INSRR: variants seen among roughly 807,000 people sequenced by gnomAD.
The protein encoded by INSRR is insulin receptor-related protein.
INSRR carries 114 observed loss-of-function variants against 130.0 expected under a neutral mutation model. The observed-to-expected ratio is 0.88, with a 90% CI of 0.75 to 1.02. The LOEUF (loss-of-function observed/expected upper bound fraction) is 1.02, where lower values mean the gene tolerates loss of function less well. Ranked by LOEUF, INSRR falls within the 50% of genes least tolerant of loss-of-function variation. INSRR has a pLI of 0.00. For synonymous variants in INSRR, 674 were observed against 705.2 expected (o/e 0.96, Z 0.70); for missense variants, 1,657 against 1,735.2 (o/e 0.95, Z 0.80).
Position 156,846,909 on chromosome 1 carries a change from G to T in INSRR, c.1572-152C>A, listed in dbSNP as rs529632527. 4 of 648,108 alleles carry T rather than the reference G, an allele frequency of 6.2e-6. No homozygotes were observed. In the East Asian group the frequency reaches 8.2e-5, roughly 13 times the overall value. 40.1% of individuals were successfully genotyped at this position (648,108 alleles called of 1,614,324 possible). On this transcript the variant is annotated intron_variant, in intron 7 of 21. Transcript: ENST00000368195. ...AGCCACCTGTTAGACCTTGGCAAGG[G>T]GGGGCGGAGGAGGGGAGGGACTGTG...
intron 7 of INSRR, among the ~76,000 whole-genome samples, chr1:156,847,843 G>A (rs1285297463): frequency 6.6e-6 from 1 of 152,154 alleles, no homozygotes; most frequent in African/African-American, 2.4e-5. Flanking sequence ...GAAGCTTGTT[G>A]AAGGGTTCCC....
chr1:156,853,837 C>T lies in INSRR; in HGVS notation c.552G>A (p.Leu184=). The change falls in exon 2 of 22, where the codon CTG becomes CTA. Residue 184 remains leucine (L), a synonymous_variant. Coordinates refer to ENST00000368195, the MANE Select transcript of INSRR (RefSeq NM_014215.3). ...TGGCACAGGGCTCACCAGCAGCACC[C>T]AGCACACCAGGGCACACGTCAGCAC... ...EECADVCPGV[L]GAAGEPCAKT... 7.4e-6 allele frequency: 12 copies of T among 1,613,966 alleles called. No individual in the cohort carries two copies. Among genetic ancestry groups the T allele is most frequent in the Non-Finnish European group, 1.0e-5 (12 of 1,179,980 alleles).
At position 156,854,095 on chromosome 1, in the gene INSRR, G is replaced by A; in HGVS notation, c.294C>T (p.Phe98=). ...TCCCGCGGATGACTGCTAGGTTGGG[G>A]AAGAGGTCGCGCAGGCTCTCCAGTC... ...VYGLESLRDL[F]PNLAVIRGTR... The change falls in exon 2 of 22, where the codon TTC becomes TTT. Residue 98 remains phenylalanine, a synonymous_variant. Coordinates refer to ENST00000368195, the MANE Select transcript of INSRR (RefSeq NM_014215.3). The surrounding 1 kb of genome is among the most constrained non-coding windows in gnomAD (Gnocchi z 4.2). 1.2e-6 allele frequency: 2 copies of A among 1,614,148 alleles called. No individual in the cohort carries two copies. The highest frequency in any genetic ancestry group is 1.1e-5 in the South Asian group (1 of 91,090).
intron 8 of INSRR, 66 bp downstream of exon 8, chr1:156,846,453 G>T: frequency 1.5e-6 from 2 of 1,303,572 alleles, no homozygotes; most frequent in Non-Finnish European, 2.2e-6. Context: ...TATTTCTGGT[G>T]CCTGTGCTCC....
In INSRR at chr1:156,849,250, G is replaced by A; in HGVS notation, c.1440C>T (p.Ala480=). Residue 480 remains alanine, a synonymous_variant, in exon 6 of 22, where the codon GCC becomes GCT. Transcript: ENST00000368195. ...EINPRTNGDR[A]ACQTRTLRFV... ...GCACTGGGGTTGGGGTCTCACAGGC[G>A]GCGCGGTCTCCGTTGGTGCGGGGGT... The A allele has an allele frequency of 1.2e-6, 2 of 1,613,670 alleles. No individual in the cohort carries two copies. The highest frequency in any genetic ancestry group is 1.7e-6 in the Non-Finnish European group (2 of 1,179,990).
In INSRR at chr1:156,842,205, C is replaced by T. The variant is rs771088422; in HGVS notation, c.3304G>A (p.Gly1102Ser). Reference protein sequence around the residue: ...MIQMAGEIADGMAYLAANKFV... With the variant: ...MIQMAGEIADSMAYLAANKFV... Reference sequence around the variant, plus strand: ...TTGTTGGCAGCAAGGTAGGCCATGCCGTCTGCAATCTCACCAGCCATTTGG... The same window carrying T: ...TTGTTGGCAGCAAGGTAGGCCATGCTGTCTGCAATCTCACCAGCCATTTGG... The change falls in exon 19 of 22, where the codon GGC becomes AGC. Residue 1102 changes from glycine (G) to serine (S), a missense_variant. By Grantham distance (56) the Gly-to-Ser change is moderately conservative. Transcript: ENST00000368195. 49 of 1,613,946 alleles carry T rather than the reference C, an allele frequency of 3.0e-5. No homozygotes were observed. The highest frequency in any genetic ancestry group is 4.4e-5 in the South Asian group (4 of 91,064).
At position 156,853,778 on chromosome 1, in the gene INSRR, C is replaced by T. The variant is rs369081661; in HGVS notation, c.611G>A (p.Cys204Tyr). Residue 204 changes from cysteine (C) to tyrosine (Y), a missense_variant, in exon 2 of 22, where the codon TGC becomes TAC. By Grantham distance (194) the Cys-to-Tyr change is radical. Transcript: ENST00000368195. ...TCTCTGGCAGTGGCTGGAGGTCCAG[C>T]ATCTGTAGTCAGTGTGCCCGCTGAA... is the stretch of plus-strand genomic sequence containing the variant. ...TTFSGHTDYR[C>Y]WTSSHCQRVC... The T allele has an allele frequency of 1.2e-6, 2 of 1,605,806 alleles. No homozygotes were observed. Among genetic ancestry groups the T allele is most frequent in the African/African-American group, 1.3e-5 (1 of 74,772 alleles).
chr1:156,847,524 C>G (rs773088126), intron 7 of INSRR, among the ~76,000 whole-genome samples: 2 of 152,106 alleles, frequency 1.3e-5, no homozygotes, highest in Non-Finnish European at 2.9e-5. Flanking sequence ...TTTCTTTGGA[C>G]TGGGAAGGGG....
At position 156,840,320 on chromosome 1, in the gene INSRR, G is replaced by C. The variant is rs867985778; in HGVS notation, c.*553C>G. ...CAAAAGGAGAGGAGGAGGTGAGGGC[G>C]GGCAGGCTGGGAACCACTCCCCAGG... On this transcript the variant is annotated 3_prime_UTR_variant, in exon 22 of 22. Coordinates refer to ENST00000368195, the MANE Select transcript of INSRR (RefSeq NM_014215.3). The C allele has an allele frequency of 1.9e-5, 3 of 160,216 alleles. No homozygotes were observed. Among genetic ancestry groups the C allele is most frequent in the Non-Finnish European group, 4.1e-5 (3 of 73,016 alleles). The allele number at this position is 160,216 out of a possible 1,614,324, so 9.9% of individuals were successfully genotyped here.
Position 156,858,966 on chromosome 1 carries a change from C to A in INSRR, c.-345G>T. On this transcript the variant is annotated 5_prime_UTR_variant, in exon 1 of 22. Transcript: ENST00000368195. ...AAAGGCAGGCCGAGAGGCCAGCCAA[C>A]CCTGAGGGCGGAGCAGCAGGCTGGG... is the stretch of plus-strand genomic sequence containing the variant. The A allele has an allele frequency of 3.6e-6, 1 of 277,148 alleles. No individual in the cohort carries two copies. The allele number at this position is 277,148 out of a possible 1,614,324, so 17.2% of individuals were successfully genotyped here. A position where few individuals can be genotyped will look rare whatever the true frequency, so the allele number is the denominator to read the frequency against.
Position 156,851,994 on chromosome 1 carries a change from G to T in INSRR, c.835C>A (p.Arg279Ser), listed in dbSNP as rs150841787. 13 of 1,611,958 alleles carry T rather than the reference G, an allele frequency of 8.1e-6. No homozygotes were observed. Among genetic ancestry groups the T allele is most frequent in the Non-Finnish European group, 9.3e-6 (11 of 1,178,762 alleles). ...YESWRCVTAERCASLHSVPGR... is the reference protein window; with the variant it reads ...YESWRCVTAESCASLHSVPGR... ...GGCACAGAGTGCAGGCTGGCACAGC[G>T]CTCAGCTGTGACACAGCGCCAGGAC... Residue 279 changes from arginine to serine, a missense_variant, in exon 3 of 22, where the codon CGC (arginine) becomes AGC (serine). Arg to Ser is a moderately radical substitution (Grantham distance 110). Coordinates refer to ENST00000368195, the MANE Select transcript of INSRR (RefSeq NM_014215.3).
rs558428940 is a variant in INSRR at position 156,854,241 on chromosome 1, C to T, written c.148G>A (p.Val50Met). The T allele has an allele frequency of 7.7e-5, 125 of 1,613,894 alleles. No individual in the cohort carries two copies. Among genetic ancestry groups the T allele is most frequent in the Admixed American group, 8.3e-5 (5 of 60,028 alleles). Residue 50 changes from valine (V) to methionine (M), a missense_variant, in exon 2 of 22, where the codon GTG becomes ATG. Transcript: ENST00000368195. This position sits in a 1 kb window ranked among gnomAD's most constrained non-coding sequence, Gnocchi z 4.2. ...AELRQLENCS[V>M]VEGHLQILLM... Reference sequence around the variant, plus strand: ...AGGATCTGCAGGTGGCCCTCCACCACGCTGCAGTTCTCCAGCTGACGAAGC... The same window carrying T: ...AGGATCTGCAGGTGGCCCTCCACCATGCTGCAGTTCTCCAGCTGACGAAGC...
In INSRR at chr1:156,844,756, G is replaced by A. The variant is rs199807142; in HGVS notation, c.2525C>T (p.Pro842Leu). Residue 842 changes from proline (P) to leucine (L), a missense_variant, in exon 13 of 22, where the codon CCC becomes CTC. Coordinates refer to ENST00000368195, the MANE Select transcript of INSRR (RefSeq NM_014215.3). ...TTCGTACTTGAGGATGAGTCCGTTGGGGTCTGGTGGCTCGAGCCAGCGCAG... is the reference window on the plus strand; with the variant it reads ...TTCGTACTTGAGGATGAGTCCGTTGAGGTCTGGTGGCTCGAGCCAGCGCAG... ...VLLRWLEPPD[P>L]NGLILKYEIK... is the part of the protein sequence containing the mutation. The A allele has an allele frequency of 2.9e-5, 47 of 1,614,174 alleles. No individual in the cohort carries two copies. Among genetic ancestry groups the A allele is most frequent in the South Asian group, 6.6e-5 (6 of 91,082 alleles).
chr1:156,853,420 G>C (rs1289669346), intron 2 of INSRR, among the ~76,000 whole-genome samples: 2 of 152,170 alleles, frequency 1.3e-5, no homozygotes, highest in Non-Finnish European at 2.9e-5. Flanking sequence ...CTTGAACCCA[G>C]GTCCTCTGGC....
Position 156,851,743 on chromosome 1 carries a change from C to T in INSRR, c.987G>A (p.Lys329=), listed in dbSNP as rs780062028. The part of the protein sequence containing the change: ...KCEGLCPKEC[K]VGTKTIDSIQ... ...TGGAGTCGATGGTCTTGGTGCCTAC[C>T]TTGCACTCTTTAGGGCACAGCCCCT... is the stretch of plus-strand genomic sequence containing the variant. Residue 329 remains lysine, a synonymous_variant, in exon 4 of 22, where the codon AAG becomes AAA. Coordinates refer to ENST00000368195, the MANE Select transcript of INSRR (RefSeq NM_014215.3). 3.1e-6 allele frequency: 5 copies of T among 1,614,020 alleles called. No individual in the cohort carries two copies. Among genetic ancestry groups the T allele is most frequent in the African/African-American group, 2.7e-5 (2 of 74,920 alleles).
Position 156,845,081 on chromosome 1 carries a change from G to T in INSRR, c.2432C>A (p.Pro811His). 6.2e-7 allele frequency: 1 copy of T among 1,606,428 alleles called. No homozygotes were observed. The highest frequency in any genetic ancestry group is 8.5e-7 in the Non-Finnish European group (1 of 1,177,142). Residue 811 changes from proline (P) to histidine (H), a missense_variant, in exon 12 of 22, where the codon CCC (proline) becomes CAC (histidine). Coordinates refer to ENST00000368195, the MANE Select transcript of INSRR (RefSeq NM_014215.3). ...TGTGTGTGTGGATCACCTACTGTGG[G>T]GCATGGTGCGCGCAAAGACGAAGGT... The part of the protein sequence containing the change: ...AATFVFARTM[P>H]HREADGIPGK...
chr1:156,840,967 C>A lies in INSRR; in HGVS notation c.3800G>T (p.Gly1267Val). The A allele has an allele frequency of 6.2e-7, 1 of 1,613,714 alleles. No homozygotes were observed. The highest frequency in any genetic ancestry group is 2.2e-5 in the East Asian group (1 of 44,880). The part of the protein sequence containing the change: ...LSFYYSPECR[G>V]ARGSLPTTDA... ...GGTGGTAGGCAGGGAGCCCCGGGCC[C>A]CCCGGCATTCCGGGCTGTAGTAGAA... Residue 1267 changes from glycine to valine, a missense_variant, in exon 22 of 22, where the codon GGG becomes GTG. Transcript: ENST00000368195.
Position 156,853,914 on chromosome 1 carries a change from G to T in INSRR, c.475C>A (p.Gln159Lys). 6.2e-7 allele frequency: 1 copy of T among 1,614,118 alleles called. No individual in the cohort carries two copies. The highest frequency in any genetic ancestry group is 8.5e-7 in the Non-Finnish European group (1 of 1,180,004). The change falls in exon 2 of 22, where the codon CAG (glutamine) becomes AAG (lysine). Residue 159 changes from glutamine to lysine, a missense_variant. Transcript: ENST00000368195. The part of the protein sequence containing the change: ...HLSTIDWGLL[Q>K]PAPGANHIVG... ...ATGTGGTTGGCGCCAGGTGCTGGCTGCAGCAGTCCCCAGTCAATGGTGGAG... is the reference window on the plus strand; with the variant it reads ...ATGTGGTTGGCGCCAGGTGCTGGCTTCAGCAGTCCCCAGTCAATGGTGGAG...
At position 156,842,481 on chromosome 1, in the gene INSRR, C is replaced by T; in HGVS notation, c.3154G>A (p.Gly1052Ser). The change falls in exon 18 of 22, where the codon GGC becomes AGC. Residue 1052 changes from glycine to serine, a missense_variant. Transcript: ENST00000368195. ...TCCATGATGACCAGAGTTGGCTGGC[C>T]CTGAGATACCACACCCAGGAGACGC... Reference protein sequence around the residue: ...VVRLLGVVSQGQPTLVIMELM... With the variant: ...VVRLLGVVSQSQPTLVIMELM... The T allele has an allele frequency of 6.2e-7, 1 of 1,614,056 alleles. No individual in the cohort carries two copies. Among genetic ancestry groups the T allele is most frequent in the Non-Finnish European group, 8.5e-7 (1 of 1,179,988 alleles).
Sources: allele counts gnomAD v4.1 joint callset (sites outside exome capture counted in the v4.1 genomes callset), GRCh38; gene constraint gnomAD v4.1.1; non-coding constraint Gnocchi (gnomAD v3.1); transcripts MANE v1.5; gene names NCBI Gene and HGNC (gene_info 2026-07-23, HGNC 2026-07-21).